GHR: variants seen among roughly 807,000 people sequenced by gnomAD.
GHR encodes the protein growth hormone receptor.
Under a neutral mutation model 67.1 loss-of-function variants are expected in GHR, and 35 were observed. The ratio of observed to expected loss-of-function variants is 0.52; its 90% CI spans 0.40 to 0.69. The LOEUF is 0.69. Ranked by LOEUF, GHR falls within the 30% of genes least tolerant of loss-of-function variation. The pLI, the probability that GHR is intolerant of heterozygous loss-of-function variation, is 0.00. For missense variants in GHR, 792 were observed against 764.6 expected (o/e 1.04, Z -0.42); for synonymous variants, 272 against 269.1 (o/e 1.01, Z -0.10).
chr5:42,507,068 A>G (rs949105657), intron 1 of GHR, among the ~76,000 whole-genome samples: 17 of 152,170 alleles, frequency 1.1e-4, no homozygotes, highest in African/African-American at 4.1e-4. Context: ...AGTTCTTCCC[A>G]TTTCCTGTAT....
rs114638936 is a variant in GHR, at chr5:42,560,520, A to G, written c.-11-5344A>G. The stretch of plus-strand genomic sequence containing the variant: ...ACACTTTTAATATAATTTTTGATAA[A>G]GGTGTTATGGAGACTTGTCACCAAA... On this transcript the variant is annotated intron_variant, in intron 1 of 9. Coordinates refer to ENST00000230882, the MANE Select transcript of GHR (RefSeq NM_000163.5). Among the ~76,000 whole-genome samples, 193 of 152,244 alleles carry G rather than the reference A, an allele frequency of 1.3e-3. 2 individuals carry two copies. The highest frequency in any genetic ancestry group is 9.5e-3 in the South Asian group (46 of 4,824).
intron 2 of GHR, among the ~76,000 whole-genome samples, chr5:42,602,839 T>C (rs1397674207): frequency 6.6e-6 from 1 of 152,248 alleles, no homozygotes; most frequent in Non-Finnish European, 1.5e-5. Flanking sequence ...TTATATTGTG[T>C]ATGTAGTAAC....
rs571920286 is a variant in GHR at position 42,644,366 on chromosome 5, G to A, written c.136+15263G>A. Among the ~76,000 whole-genome samples, 3 of 152,212 alleles carry A rather than the reference G, an allele frequency of 2.0e-5. No homozygotes were observed. The South Asian group carries it at 6.2e-4, about 32-fold the overall frequency. ...CTGCCAGTGTGTAGGAAATACCAGGGATAGAGAAACATTTTTAAAGTCTTT... is the reference window on the plus strand; with the variant it reads ...CTGCCAGTGTGTAGGAAATACCAGGAATAGAGAAACATTTTTAAAGTCTTT... On this transcript the variant is annotated intron_variant, in intron 3 of 9. Coordinates refer to ENST00000230882, the MANE Select transcript of GHR (RefSeq NM_000163.5).
intron 1 of GHR, among the ~76,000 whole-genome samples, chr5:42,493,127 G>A (rs1459375916): frequency 2.0e-5 from 3 of 152,188 alleles, no homozygotes; most frequent in Non-Finnish European, 4.4e-5. Flanking sequence ...CAGTGGATGA[G>A]TGATTGGGGC....
chr5:42,464,005 A>G (rs1346377681), intron 1 of GHR, among the ~76,000 whole-genome samples: 2 of 146,608 alleles, frequency 1.4e-5, no homozygotes, highest in African/African-American at 2.6e-5. Context: ...AAAAAAAAAA[A>G]AAAAAAAAAA....
intron 3 of GHR, among the ~76,000 whole-genome samples, 190 bp from the exon 4 acceptor site, chr5:42,688,700 G>C (rs1757274517): frequency 6.6e-6 from 1 of 152,140 alleles, no homozygotes; most frequent in Non-Finnish European, 1.5e-5. Flanking sequence ...GGCTGACAAT[G>C]GCAAGCAACA....
intron 1 of GHR, among the ~76,000 whole-genome samples, chr5:42,533,802 A>G (rs935664093): frequency 6.6e-6 from 1 of 151,642 alleles, no homozygotes; most frequent in Non-Finnish European, 1.5e-5. Context: ...ACTGCACCAT[A>G]TTTGTTTTCT....
chr5:42,613,744 T>C (rs1259437920), intron 2 of GHR, among the ~76,000 whole-genome samples: 1 of 152,104 alleles, frequency 6.6e-6, no homozygotes, highest in Non-Finnish European at 1.5e-5. Context: ...TCCTTTTTTC[T>C]TCTCTAATTA....
At chr5:42,571,305 T>A (rs1245896386) in intron 2 of GHR, among the ~76,000 whole-genome samples, 2 of 152,182 alleles carry the variant, frequency 1.3e-5, no homozygotes, top group African/African-American at 4.8e-5. Flanking sequence ...AGCTGTCTGC[T>A]CAGCTCTGCA....
intron 6 of GHR, among the ~76,000 whole-genome samples, chr5:42,701,819 A>G (rs564510315): frequency 1.3e-5 from 2 of 152,318 alleles, no homozygotes; most frequent in African/African-American, 4.8e-5. Context: ...GAACATTTAG[A>G]AAAATCTACA....
At chr5:42,617,995 A>T (rs1753252315) in intron 2 of GHR, among the ~76,000 whole-genome samples, 1 of 152,088 alleles carries the variant, frequency 6.6e-6, no homozygotes, top group Non-Finnish European at 1.5e-5. Flanking sequence ...TGTCCATTTT[A>T]AAAATTTTAA....
chr5:42,491,982 A>G (rs934981331), intron 1 of GHR, among the ~76,000 whole-genome samples: 1 of 152,260 alleles, frequency 6.6e-6, no homozygotes, highest in African/African-American at 2.4e-5. Flanking sequence ...GCATGAAAGA[A>G]TGACTACTAG....
chr5:42,659,655 G>A lies in GHR; in HGVS notation c.137-29235G>A, dbSNP rs558842131. ...TCGATGGCCAAATAGGAACAGCTCC[G>A]GTCTACAGCTCCCAGCGTGAGCGAC... On this transcript the variant is annotated intron_variant, in intron 3 of 9. Coordinates refer to ENST00000230882, the MANE Select transcript of GHR (RefSeq NM_000163.5). Among the ~76,000 whole-genome samples the A allele has an allele frequency of 1.0e-3, 156 of 152,278 alleles. 1 individual carries two copies. The highest frequency in any genetic ancestry group is 3.0e-3 in the African/African-American group (123 of 41,556).
At chr5:42,465,497 T>C in intron 1 of GHR, 1 of 1,569,778 alleles carries the variant, frequency 6.4e-7, no homozygotes. Flanking sequence ...ATTCTCCTTA[T>C]TTTCAGTGTC....
Position 42,424,701 on chromosome 5 carries a change from G to C in GHR, c.-12+746G>C. On this transcript the variant is annotated intron_variant, in intron 1 of 9. Coordinates refer to ENST00000230882, the MANE Select transcript of GHR (RefSeq NM_000163.5). This position sits in a 1 kb window ranked among gnomAD's most constrained non-coding sequence, Gnocchi z 4.1. ...TTTTGACAGAACTGCCAGAGGCTGC[G>C]GGTCAATGGGGTGGCCGCGTGTCTA... is the stretch of plus-strand genomic sequence containing the variant. 1 of 1,136,934 alleles carries C rather than the reference G, an allele frequency of 8.8e-7. No individual in the cohort carries two copies. The highest frequency in any genetic ancestry group is 1.3e-5 in the South Asian group (1 of 76,320). The allele number at this position is 1,136,934 out of a possible 1,614,324, so 70.4% of individuals were successfully genotyped here.
intron 1 of GHR, among the ~76,000 whole-genome samples, chr5:42,496,134 C>T (rs559794850): frequency 2.0e-5 from 3 of 152,256 alleles, no homozygotes; most frequent in South Asian, 4.1e-4. Flanking sequence ...CTGTCAAGAC[C>T]AGTTGAGGCG....
At chr5:42,444,824 C>T (rs1199407503) in intron 1 of GHR, among the ~76,000 whole-genome samples, 1 of 152,138 alleles carries the variant, frequency 6.6e-6, no homozygotes, top group Non-Finnish European at 1.5e-5. Flanking sequence ...GCCACAGTAT[C>T]TGCTATGATC....
chr5:42,695,156 T>C (rs1757614045), intron 5 of GHR, 67 bp downstream of exon 5: 2 of 1,079,134 alleles, frequency 1.9e-6, no homozygotes, highest in South Asian at 2.5e-5. Context: ...GCCTGCAAGG[T>C]CCAAGTATAA....
chr5:42,492,976 A>C (rs1356297559), intron 1 of GHR, among the ~76,000 whole-genome samples: 2 of 152,254 alleles, frequency 1.3e-5, no homozygotes, highest in African/African-American at 4.8e-5. Flanking sequence ...TGTAAGAAAT[A>C]GTTTGGATCA....
Sources: gnomAD v4.1 joint callset for allele counts (sites outside exome capture counted in the v4.1 genomes callset) on GRCh38, gnomAD v4.1.1 for gene constraint, Gnocchi (gnomAD v3.1) non-coding constraint, MANE v1.5 for transcripts, NCBI Gene and HGNC (gene_info 2026-07-23, HGNC 2026-07-21) for gene names.